Variants in FRMD8 observed in about 807,000 individuals in gnomAD.
The protein encoded by FRMD8 is FERM domain containing 8, also known as FERM domain-containing protein 8.
In FRMD8, 37 loss-of-function variants were observed where a neutral mutation model predicts 54.2. The observed-to-expected ratio is 0.68, with a 90% CI of 0.53 to 0.90. The LOEUF is 0.90. Among genes scored for constraint, FRMD8 ranks in the 40% least tolerant of loss-of-function variants. FRMD8 has a pLI of 0.00. For synonymous variants in FRMD8, 246 were observed against 286.9 expected, an observed-to-expected ratio of 0.86 and a Z score of 1.44; for missense variants, 585 against 653.7, an observed-to-expected ratio of 0.89 and a Z score of 1.15.
the FRMD8 span, chr11:65,376,879 C>A: frequency 1.2e-6 from 2 of 1,614,208 alleles, no homozygotes; most frequent in Non-Finnish European, 1.7e-6. Flanking sequence ...TGAAGTAGAT[C>A]CCCACCGTGG....
chr11:65,379,177 T>C, the FRMD8 span: 30 of 612,128 alleles, frequency 4.9e-5, no homozygotes, highest in East Asian at 4.7e-4. Flanking sequence ...CCACCAGCTG[T>C]CTCTGCCTTT....
rs111760674 is a variant in FRMD8 at position 65,398,159 on chromosome 11, T to A, written c.803+1139T>A. Among the ~76,000 whole-genome samples the A allele has an allele frequency of 2.2e-4, 33 of 152,120 alleles. 1 individual carries two copies. The highest frequency in any genetic ancestry group is 7.2e-4 in the African/African-American group (30 of 41,490). ...CCAAAGTGCTGGGAGCCACCACGCCTGGCCTAATTTTTGTATTTTTTGTAG... is the reference window on the plus strand; with the variant it reads ...CCAAAGTGCTGGGAGCCACCACGCCAGGCCTAATTTTTGTATTTTTTGTAG... On this transcript the variant is annotated intron_variant, in intron 7 of 10. Transcript: ENST00000317568.
upstream of FRMD8, among the ~76,000 whole-genome samples, chr11:65,383,956 T>G (rs1013010530): frequency 6.6e-6 from 1 of 152,106 alleles, no homozygotes; most frequent in Non-Finnish European, 1.5e-5. Flanking sequence ...CTGTGGGCCT[T>G]GGGGTCTATT....
At position 65,411,859 on chromosome 11, in the gene FRMD8, G is replaced by T; in HGVS notation, c.*499G>T. 1 of 153,208 alleles carries T rather than the reference G, an allele frequency of 6.5e-6. No individual in the cohort carries two copies. The highest frequency in any genetic ancestry group is 1.5e-5 in the Non-Finnish European group (1 of 68,692). 9.5% of individuals were successfully genotyped at this position (153,208 alleles called of 1,614,324 possible). ...TCCACCCCCCGGACTTGGATGACCA[G>T]TTTCCCACCTTCCTCCTGCTGGTGC... On this transcript the variant is annotated 3_prime_UTR_variant, in exon 11 of 11. Transcript: ENST00000317568.
Position 65,394,362 on chromosome 11 carries a change from C to T in FRMD8, c.518C>T (p.Ala173Val), listed in dbSNP as rs1180541499. Residue 173 changes from alanine (A) to valine (V), a missense_variant, in exon 6 of 11, where the codon GCC becomes GTC. Transcript: ENST00000317568. ...GTGGAGGACTGCGAGGCTCTGGGCG[C>T]CCTGGTGTGCCGCGTGCAGCTTGGG... is the stretch of plus-strand genomic sequence containing the variant. ...CDVEDCEALG[A>V]LVCRVQLGPY... 6.3e-7 allele frequency: 1 copy of T among 1,577,058 alleles called. No individual in the cohort carries two copies. The highest frequency in any genetic ancestry group is 8.6e-7 in the Non-Finnish European group (1 of 1,162,354).
chr11:65,376,495 C>G, the FRMD8 span: 2 of 1,614,182 alleles, frequency 1.2e-6, no homozygotes, highest in South Asian at 1.1e-5. Flanking sequence ...GGTGACCCCC[C>G]GGAAGAAGAC....
At chr11:65,391,803 G>A (rs867180649) in intron 3 of FRMD8, among the ~76,000 whole-genome samples, 5 of 152,254 alleles carry the variant, frequency 3.3e-5, no homozygotes, top group South Asian at 4.1e-4. Context: ...GAACCATCAC[G>A]CCCGGCCACC....
At chr11:65,378,051 G>T in the FRMD8 span, 1 of 152,274 alleles carries the variant, frequency 6.6e-6, no homozygotes, top group Non-Finnish European at 1.5e-5. Flanking sequence ...AGGAGTAAGG[G>T]TCGTAGGTTA....
At chr11:65,403,880 G>A (rs1176680301) in intron 9 of FRMD8, among the ~76,000 whole-genome samples, 1 of 152,222 alleles carries the variant, frequency 6.6e-6, no homozygotes, top group Non-Finnish European at 1.5e-5. Flanking sequence ...AGGCTTCCCT[G>A]TTATGGTTGC....
At chr11:65,377,096 A>C in the FRMD8 span, 1 of 1,607,658 alleles carries the variant, frequency 6.2e-7, no homozygotes, top group Non-Finnish European at 8.5e-7. Flanking sequence ...ATGAAACATG[A>C]GGGCCCCGGG....
chr11:65,390,635 C>G (rs748376140), intron 3 of FRMD8, among the ~76,000 whole-genome samples: 1 of 152,056 alleles, frequency 6.6e-6, no homozygotes, highest in Non-Finnish European at 1.5e-5. Flanking sequence ...CCTGCTGCCC[C>G]GGCTCCTCGG....
In FRMD8 at chr11:65,393,615, G is replaced by T. The variant is rs145529099; in HGVS notation, c.296G>T (p.Arg99Leu). The change falls in exon 4 of 11, where the codon CGC becomes CTC. Residue 99 changes from arginine (R) to leucine (L), a missense_variant. By Grantham distance (102) the Arg-to-Leu change is moderately radical. Transcript: ENST00000317568. ...KPKHQPYKLG[R>L]QWPELLLRFT... ...AAGCACCAGCCCTACAAGCTGGGACGCCAGTGGCCGGAGCTGCTGCTGCGC... is the reference window on the plus strand; with the variant it reads ...AAGCACCAGCCCTACAAGCTGGGACTCCAGTGGCCGGAGCTGCTGCTGCGC... 2 of 1,608,808 alleles carry T rather than the reference G, an allele frequency of 1.2e-6. No homozygotes were observed. Among genetic ancestry groups the T allele is most frequent in the South Asian group, 1.1e-5 (1 of 91,082 alleles).
intron 9 of FRMD8, among the ~76,000 whole-genome samples, chr11:65,402,152 C>T (rs917716203): frequency 1.3e-5 from 2 of 151,960 alleles, no homozygotes; most frequent in East Asian, 1.9e-4. Context: ...AGCTCAAGAC[C>T]AGCCTGGCCA....
the FRMD8 span, chr11:65,377,563 C>T: frequency 6.7e-4 from 163 of 242,586 alleles, no homozygotes; most frequent in African/African-American, 3.5e-3. Flanking sequence ...CGGAGGGGCA[C>T]AAGGCCAGCC....
chr11:65,387,459 G>T (rs762966277), intron 2 of FRMD8, among the ~76,000 whole-genome samples: 7 of 152,050 alleles, frequency 4.6e-5, no homozygotes, highest in Non-Finnish European at 7.4e-5. Context: ...GTGCCCAGGA[G>T]TTCGAGACCA....
chr11:65,376,504 A>C, the FRMD8 span: 1 of 1,613,890 alleles, frequency 6.2e-7, no homozygotes, highest in Admixed American at 1.7e-5. Flanking sequence ...CCGGAAGAAG[A>C]CTCCCAGTCC....
Position 65,411,837 on chromosome 11 carries a change from AC to A in FRMD8, c.*483del. ...TCCGTCTTCCTCCTGCTAGTGCTCC[AC>A]CCCCCGGACTTGGATGACCAGTTTC... is the stretch of plus-strand genomic sequence containing the variant. On this transcript the variant is annotated 3_prime_UTR_variant, in exon 11 of 11. Transcript: ENST00000317568. 2 of 152,002 alleles carry A rather than the reference AC, an allele frequency of 1.3e-5. No homozygotes were observed. Among genetic ancestry groups the A allele is most frequent in the Non-Finnish European group, 2.9e-5 (2 of 68,380 alleles). The allele number at this position is 152,002 out of a possible 1,614,324, so 9.4% of individuals were successfully genotyped here.
chr11:65,401,864 CTTTT>C (rs1856092253), intron 9 of FRMD8, among the ~76,000 whole-genome samples: 1 of 123,350 alleles, frequency 8.1e-6, no homozygotes, highest in Non-Finnish European at 1.7e-5. Context: ...CTGGTTTATG[CTTTT>C]TGTTTCCTAA....
intron 10 of FRMD8, 34 bp from the exon 11 acceptor site, chr11:65,411,208 C>T (rs1207996033): frequency 1.3e-6 from 2 of 1,555,432 alleles, no homozygotes; most frequent in South Asian, 2.3e-5. Context: ...AGGGACAGCG[C>T]CTCTGCTCAG....
Sources: gnomAD v4.1 joint callset for allele counts (sites outside exome capture counted in the v4.1 genomes callset) on GRCh38, gnomAD v4.1.1 for gene constraint, MANE v1.5 for transcripts, NCBI Gene and HGNC (gene_info 2026-07-23, HGNC 2026-07-21) for gene names.